Variants in SEMA3A observed in about 807,000 individuals in gnomAD.
SEMA3A encodes the protein semaphorin-3A.
A neutral mutation model predicts 97.9 loss-of-function variants in SEMA3A; 29 were observed. That is an observed-to-expected ratio of 0.30 (90% CI 0.22 to 0.40). The LOEUF (loss-of-function observed/expected upper bound fraction) is 0.40, where lower values mean the gene tolerates loss of function less well. SEMA3A is among the 10% of genes least tolerant of loss of function. The pLI, the probability that SEMA3A is intolerant of heterozygous loss-of-function variation, is 1.00. For missense variants in SEMA3A, 763 were observed against 951.3 expected, an observed-to-expected ratio of 0.80 and a Z score of 2.60; for synonymous variants, 321 against 323.7, an observed-to-expected ratio of 0.99 and a Z score of 0.09.
At chr7:84,430,430 C>T (rs534944501) in intron 1 of SEMA3A, among the ~76,000 whole-genome samples, 1 of 151,904 alleles carries the variant, frequency 6.6e-6, no homozygotes, top group African/African-American at 2.4e-5. Flanking sequence ...CAATAGTAAA[C>T]CTTTGTTGAC....
At chr7:84,427,806 A>G (rs141853433) in intron 1 of SEMA3A, among the ~76,000 whole-genome samples, 1 of 152,180 alleles carries the variant, frequency 6.6e-6, no homozygotes, top group East Asian at 1.9e-4. Context: ...TTGTGCTGAT[A>G]AACCACAGAT....
At chr7:84,477,370 C>A (rs998122612) in intron 1 of SEMA3A, among the ~76,000 whole-genome samples, 1 of 130,684 alleles carries the variant, frequency 7.7e-6, no homozygotes, top group Non-Finnish European at 1.5e-5. Flanking sequence ...ACCTGGGAGG[C>A]AGAAGTTGCA....
chr7:84,355,358 C>T (rs1263407349), intron 2 of SEMA3A, among the ~76,000 whole-genome samples: 8 of 151,818 alleles, frequency 5.3e-5, no homozygotes, highest in Non-Finnish European at 8.8e-5. Context: ...TTTTGTATTA[C>T]TTACAATAAT....
chr7:84,397,342 A>G (rs1803762557), intron 1 of SEMA3A, among the ~76,000 whole-genome samples: 1 of 150,526 alleles, frequency 6.6e-6, no homozygotes, highest in South Asian at 2.1e-4. Flanking sequence ...AATTGTGAAC[A>G]TTTAATGTTT....
intron 1 of SEMA3A, among the ~76,000 whole-genome samples, chr7:84,395,543 A>G (rs1803706895): frequency 6.6e-6 from 1 of 152,076 alleles, no homozygotes; most frequent in Admixed American, 6.6e-5. Flanking sequence ...CTTGAATTGA[A>G]ATAATCCCCA....
At chr7:84,079,359 A>C (rs1002795618) in intron 4 of SEMA3A, among the ~76,000 whole-genome samples, 4 of 151,248 alleles carry the variant, frequency 2.6e-5, no homozygotes, top group Non-Finnish European at 4.4e-5. Flanking sequence ...AATGGGATCT[A>C]ATTAAACTAA....
chr7:84,328,040 T>C (rs780319007), intron 2 of SEMA3A, among the ~76,000 whole-genome samples: 4 of 152,032 alleles, frequency 2.6e-5, no homozygotes, highest in Non-Finnish European at 5.9e-5. Flanking sequence ...AGTTTATGAA[T>C]TAAATCTTTA....
At chr7:84,475,120 T>A (rs1213773764) in intron 1 of SEMA3A, among the ~76,000 whole-genome samples, 1 of 151,892 alleles carries the variant, frequency 6.6e-6, no homozygotes, top group Non-Finnish European at 1.5e-5. Context: ...GTGCAGGGGC[T>A]GGGAAAGAGG....
At chr7:84,062,739 T>C (rs1344733362) in intron 4 of SEMA3A, among the ~76,000 whole-genome samples, 3 of 152,010 alleles carry the variant, frequency 2.0e-5, no homozygotes, top group Admixed American at 6.5e-5. Flanking sequence ...CATCACGAGA[T>C]TATATCCCGC....
upstream of SEMA3A, among the ~76,000 whole-genome samples, chr7:84,195,723 G>A (rs1798210754): frequency 6.6e-6 from 1 of 152,110 alleles, no homozygotes; most frequent in Non-Finnish European, 1.5e-5. Flanking sequence ...GGAATGCTCT[G>A]GCTAACATTT....
At chr7:84,425,287 A>G (rs1191921556) in intron 1 of SEMA3A, among the ~76,000 whole-genome samples, 1 of 123,274 alleles carries the variant, frequency 8.1e-6, no homozygotes, top group Non-Finnish European at 1.6e-5. Flanking sequence ...TATATAATAT[A>G]TTTATATTTA....
chr7:84,425,199 A>G (rs1309296638), intron 1 of SEMA3A, among the ~76,000 whole-genome samples: 1 of 116,286 alleles, frequency 8.6e-6, no homozygotes, highest in Admixed American at 1.0e-4. Flanking sequence ...TTACATAAAT[A>G]AATTTACGTA....
chr7:84,383,264 AAT>A (rs1473680448), intron 1 of SEMA3A, among the ~76,000 whole-genome samples: 1 of 152,154 alleles, frequency 6.6e-6, no homozygotes, highest in Non-Finnish European at 1.5e-5. Context: ...TGTACTAAAG[AAT>A]ATTACATAAT....
Position 84,351,525 on chromosome 7 carries a change from A to G in SEMA3A, c.-169+20299T>C, listed in dbSNP as rs116137399. The stretch of plus-strand genomic sequence containing the variant: ...GGAGCTTAAAACATTCAATAGGAAA[A>G]AAAAATCAAATAATCAAATTCAAAA... On this transcript the variant is annotated intron_variant, in intron 2 of 3. Coordinates refer to the SEMA3A transcript ENST00000424555. Among the ~76,000 whole-genome samples the G allele has an allele frequency of 2.0e-3, 297 of 152,246 alleles. 1 individual carries two copies. Among genetic ancestry groups the G allele is most frequent in the African/African-American group, 6.7e-3 (278 of 41,562 alleles).
chr7:84,069,887 T>C (rs1378696039), intron 4 of SEMA3A, among the ~76,000 whole-genome samples: 1 of 152,158 alleles, frequency 6.6e-6, no homozygotes, highest in Admixed American at 6.6e-5. Context: ...TATTGAATTA[T>C]CATGAACGAA....
At chr7:84,132,604 T>C (rs181567014) in intron 2 of SEMA3A, among the ~76,000 whole-genome samples, 2 of 151,226 alleles carry the variant, frequency 1.3e-5, no homozygotes, top group African/African-American at 2.4e-5. Context: ...ATACCTACAA[T>C]TTTAACTGAT....
At chr7:84,444,636 A>G (rs1282029998) in intron 1 of SEMA3A, among the ~76,000 whole-genome samples, 1 of 146,548 alleles carries the variant, frequency 6.8e-6, no homozygotes. Context: ...ATCTCGGCTC[A>G]CTGCAAGCTC....
chr7:84,265,514 AATAT>A (rs1173343031), intron 3 of SEMA3A, among the ~76,000 whole-genome samples: 1 of 147,404 alleles, frequency 6.8e-6, no homozygotes, highest in South Asian at 2.1e-4. Flanking sequence ...ATATATATAA[AATAT>A]ATAATTTTAT....
intron 1 of SEMA3A, among the ~76,000 whole-genome samples, chr7:84,470,704 TC>T (rs1006876383): frequency 1.3e-5 from 2 of 152,060 alleles, no homozygotes; most frequent in African/African-American, 4.8e-5. Context: ...TCTCCAATTA[TC>T]TTTTTTTTTT....
Sources: gnomAD v4.1 joint callset for allele counts (sites outside exome capture counted in the v4.1 genomes callset) on GRCh38, gnomAD v4.1.1 for gene constraint, MANE v1.5 for transcripts, NCBI Gene and HGNC (gene_info 2026-07-23, HGNC 2026-07-21) for gene names.